TRAPPC9: variants seen among roughly 807,000 people sequenced by gnomAD.
The protein encoded by TRAPPC9 is trafficking protein particle complex subunit 9, also known as IKK2 binding protein.
Under a neutral mutation model 124.0 loss-of-function variants are expected in TRAPPC9, and 83 were observed. The ratio of observed to expected loss-of-function variants is 0.67; its 90% confidence interval spans 0.56 to 0.80. The LOEUF (loss-of-function observed/expected upper bound fraction) is 0.80, where lower values mean the gene tolerates loss of function less well. Ranked by LOEUF, TRAPPC9 falls within the 30% of genes least tolerant of loss-of-function variation. The pLI, the probability that TRAPPC9 is intolerant of heterozygous loss-of-function variation, is 0.00. For synonymous variants in TRAPPC9, 638 were observed against 617.5 expected, an observed-to-expected ratio of 1.03 and a Z score of -0.49; for missense variants, 1,302 against 1,508.3, an observed-to-expected ratio of 0.86 and a Z score of 2.27.
chr8:140,150,742 G>A (rs554824004), intron 17 of TRAPPC9, among the ~76,000 whole-genome samples: 6 of 152,160 alleles, frequency 3.9e-5, no homozygotes, highest in African/African-American at 7.2e-5. Context: ...GGAAGAAATC[G>A]GATGAGCACA....
chr8:139,953,487 G>T (rs1485607941), intron 19 of TRAPPC9, among the ~76,000 whole-genome samples: 11 of 152,056 alleles, frequency 7.2e-5, no homozygotes, highest in Non-Finnish European at 1.6e-4. Context: ...GCAAGACTCT[G>T]TCTCAAAAAA....
chr8:139,940,333 T>C (rs569902078), intron 19 of TRAPPC9, among the ~76,000 whole-genome samples: 2 of 152,338 alleles, frequency 1.3e-5, no homozygotes, highest in South Asian at 4.1e-4. Flanking sequence ...ATACTGAAGT[T>C]TGTGTTAATT....
At chr8:140,117,157 T>C (rs2060903416) in intron 17 of TRAPPC9, among the ~76,000 whole-genome samples, 1 of 152,188 alleles carries the variant, frequency 6.6e-6, no homozygotes, top group Admixed American at 6.5e-5. Flanking sequence ...GTGCACACCA[T>C]TTTGACACAC....
chr8:140,070,871 G>A (rs1341663253), intron 17 of TRAPPC9, among the ~76,000 whole-genome samples: 2 of 152,086 alleles, frequency 1.3e-5, no homozygotes, highest in African/African-American at 2.4e-5. Flanking sequence ...GCCCCTCCAC[G>A]TCTCTTACCT....
intron 21 of TRAPPC9, among the ~76,000 whole-genome samples, chr8:139,879,989 G>A (rs1036074882): frequency 2.0e-5 from 3 of 152,126 alleles, no homozygotes; most frequent in Admixed American, 6.5e-5. Flanking sequence ...TGGGGTCCGC[G>A]TCTGCTTGTT....
At chr8:140,046,740 A>G (rs1215238625) in intron 17 of TRAPPC9, among the ~76,000 whole-genome samples, 1 of 152,212 alleles carries the variant, frequency 6.6e-6, no homozygotes, top group Non-Finnish European at 1.5e-5. Context: ...CCCCTTTTCT[A>G]AATTAGAATT....
chr8:140,084,876 G>A (rs1039065977), intron 17 of TRAPPC9, among the ~76,000 whole-genome samples: 5 of 152,250 alleles, frequency 3.3e-5, no homozygotes, highest in African/African-American at 1.2e-4. Flanking sequence ...TATCCTTGGA[G>A]TAAGTGTATC....
intron 9 of TRAPPC9, among the ~76,000 whole-genome samples, chr8:140,350,571 C>T (rs567101064): frequency 3.3e-5 from 5 of 152,082 alleles, no homozygotes; most frequent in South Asian, 4.2e-4. Context: ...TAGCCTCTCA[C>T]GTTAAGACTG....
At chr8:140,108,083 T>C (rs965430449) in intron 17 of TRAPPC9, among the ~76,000 whole-genome samples, 1 of 147,182 alleles carries the variant, frequency 6.8e-6, no homozygotes, top group African/African-American at 2.5e-5. Context: ...CACAATTCAC[T>C]GATTCATAAT....
intron 17 of TRAPPC9, among the ~76,000 whole-genome samples, chr8:140,130,572 C>A (rs1394496000): frequency 6.6e-6 from 1 of 152,220 alleles, no homozygotes; most frequent in Non-Finnish European, 1.5e-5. Flanking sequence ...CTCCAGATCA[C>A]AGACTGAGGC....
intron 21 of TRAPPC9, among the ~76,000 whole-genome samples, chr8:139,809,376 G>A (rs1824279678): frequency 6.6e-6 from 1 of 152,220 alleles, no homozygotes; most frequent in Non-Finnish European, 1.5e-5. Context: ...TGCTGGAGAG[G>A]GAGGAGACTG....
intron 21 of TRAPPC9, among the ~76,000 whole-genome samples, chr8:139,786,773 C>T (rs1397026926): frequency 6.6e-6 from 1 of 152,184 alleles, no homozygotes; most frequent in Non-Finnish European, 1.5e-5. Context: ...CTGAATCACA[C>T]TGCATGAACA....
intron 21 of TRAPPC9, among the ~76,000 whole-genome samples, chr8:139,823,576 G>C (rs1470347778): frequency 6.6e-6 from 1 of 152,140 alleles, no homozygotes; most frequent in Non-Finnish European, 1.5e-5. Flanking sequence ...GTTTATCCCT[G>C]GACTTGGGCC....
chr8:139,901,553 C>T (rs1038972017), intron 20 of TRAPPC9, among the ~76,000 whole-genome samples: 1 of 152,198 alleles, frequency 6.6e-6, no homozygotes, highest in Non-Finnish European at 1.5e-5. Flanking sequence ...CTCACTGCTG[C>T]AAATCTTGCC....
intron 21 of TRAPPC9, among the ~76,000 whole-genome samples, chr8:139,821,151 A>G (rs996227027): frequency 6.6e-6 from 1 of 152,268 alleles, no homozygotes; most frequent in East Asian, 1.9e-4. Context: ...ACAATTCTAT[A>G]GAAGAGGCAG....
intron 21 of TRAPPC9, among the ~76,000 whole-genome samples, chr8:139,752,410 C>T (rs991658022): frequency 3.3e-5 from 5 of 151,228 alleles, no homozygotes; most frequent in Admixed American, 1.3e-4. Flanking sequence ...ACCCATCTAC[C>T]GTCCATCCAT....
At chr8:139,882,890 C>T (rs1829765481) in intron 21 of TRAPPC9, among the ~76,000 whole-genome samples, 1 of 152,188 alleles carries the variant, frequency 6.6e-6, no homozygotes, top group African/African-American at 2.4e-5. Flanking sequence ...TCCAGGGCTA[C>T]CTGATCCTGA....
chr8:139,765,347 C>T (rs1175103649), intron 21 of TRAPPC9, among the ~76,000 whole-genome samples: 2 of 152,202 alleles, frequency 1.3e-5, no homozygotes, highest in African/African-American at 2.4e-5. Flanking sequence ...GGGTCACTGA[C>T]GCCCTCGAGG....
intron 21 of TRAPPC9, among the ~76,000 whole-genome samples, chr8:139,853,594 T>C (rs1028779888): frequency 9.2e-5 from 14 of 152,206 alleles, no homozygotes; most frequent in Non-Finnish European, 7.3e-5. Context: ...CAAACAGGGC[T>C]TCAGCCACCA....
Sources: allele counts gnomAD v4.1 joint callset (sites outside exome capture counted in the v4.1 genomes callset), GRCh38; gene constraint gnomAD v4.1.1; transcripts MANE v1.5; gene names NCBI Gene and HGNC (gene_info 2026-07-23, HGNC 2026-07-21).